SAMSN1: variants seen among roughly 807,000 people sequenced by gnomAD.
SAMSN1 encodes SAM domain, SH3 domain and nuclear localization signals 1.
A neutral mutation model predicts 42.0 loss-of-function variants in SAMSN1; 31 were observed. The observed-to-expected ratio is 0.74, with a 90% confidence interval of 0.55 to 1.00. The LOEUF (loss-of-function observed/expected upper bound fraction) is 1.00. SAMSN1 is among the 50% of genes least tolerant of loss of function. The pLI, the probability that SAMSN1 is intolerant of heterozygous loss-of-function variation, is 0.00. For missense variants in SAMSN1, 464 were observed against 439.4 expected (o/e 1.06, Z -0.50); for synonymous variants, 178 against 151.9 (o/e 1.17, Z -1.26).
At chr21:14,556,390 G>A (rs1300502644) in intron 2 of SAMSN1, among the ~76,000 whole-genome samples, 1 of 152,068 alleles carries the variant, frequency 6.6e-6, no homozygotes, top group Non-Finnish European at 1.5e-5. Flanking sequence ...AATAATTACG[G>A]TGGATGTTTT....
At chr21:14,508,896 G>A (rs565498134) in intron 5 of SAMSN1, among the ~76,000 whole-genome samples, 2 of 152,250 alleles carry the variant, frequency 1.3e-5, no homozygotes, top group Admixed American at 6.5e-5. Flanking sequence ...TTGGGAGGCT[G>A]AGGTGGGTGG....
intron 2 of SAMSN1, among the ~76,000 whole-genome samples, chr21:14,621,821 G>T (rs1198956871): frequency 1.3e-5 from 2 of 152,188 alleles, no homozygotes; most frequent in Non-Finnish European, 2.9e-5. Context: ...TGGACAGACT[G>T]CCCCCTCAAG....
intron 1 of SAMSN1, among the ~76,000 whole-genome samples, chr21:14,654,141 T>A (rs1230112006): frequency 2.0e-5 from 3 of 152,008 alleles, no homozygotes; most frequent in Non-Finnish European, 4.4e-5. Flanking sequence ...AGTCTAGTTA[T>A]GACATCATCT....
At chr21:14,614,737 C>T (rs1982792731) in intron 3 of SAMSN1, among the ~76,000 whole-genome samples, 1 of 152,032 alleles carries the variant, frequency 6.6e-6, no homozygotes, top group Non-Finnish European at 1.5e-5. Context: ...GAATTCCAAA[C>T]AAATAAAGCT....
At chr21:14,647,933 C>T (rs934153197) in intron 1 of SAMSN1, among the ~76,000 whole-genome samples, 2 of 151,670 alleles carry the variant, frequency 1.3e-5, no homozygotes, top group African/African-American at 4.9e-5. Flanking sequence ...CGTCTGCGAA[C>T]AGGGACAATT....
intron 7 of SAMSN1, among the ~76,000 whole-genome samples, chr21:14,588,580 T>A (rs1981993556): frequency 6.6e-6 from 1 of 152,214 alleles, no homozygotes; most frequent in Admixed American, 6.5e-5. Context: ...CTTTGCCCAC[T>A]AAGCACAGTC....
intron 2 of SAMSN1, among the ~76,000 whole-genome samples, chr21:14,520,153 G>A (rs540607709): frequency 1.1e-4 from 17 of 152,200 alleles, no homozygotes; most frequent in Non-Finnish European, 4.4e-5. Flanking sequence ...AAATTATTAC[G>A]TAAACTTTAT....
At chr21:14,581,483 C>G (rs543687870) in intron 2 of SAMSN1, among the ~76,000 whole-genome samples, 1 of 148,692 alleles carries the variant, frequency 6.7e-6, no homozygotes. Flanking sequence ...CTCAGCCTCC[C>G]GAGTAGCTGG....
rs537462932 is a variant in SAMSN1, at chr21:14,639,374, A to T, written c.156+3628T>A. Among the ~76,000 whole-genome samples the T allele has an allele frequency of 1.2e-4, 19 of 152,316 alleles. No individual in the cohort carries two copies. In the South Asian group the frequency reaches 3.9e-3, roughly 32 times the overall value. ...TTCTTCCTGTGTCACTCCATGGCAG[A>T]AAGCAAAAGGGCAAAAGAGGGCAAA... On this transcript the variant is annotated intron_variant, in intron 2 of 15. Coordinates refer to the SAMSN1 transcript ENST00000647101.
rs1238976902 is a variant in SAMSN1, at chr21:14,589,099, C to G, written c.465+4914G>C. ...TAGAAGTGCTTGGTTAAATATATCTCATTTTCAGACACTTTGCTTGAATAT... is the reference window on the plus strand; with the variant it reads ...TAGAAGTGCTTGGTTAAATATATCTGATTTTCAGACACTTTGCTTGAATAT... On this transcript the variant is annotated intron_variant, in intron 7 of 15. Transcript: ENST00000647101. Among the ~76,000 whole-genome samples the G allele has an allele frequency of 2.6e-5, 4 of 152,034 alleles. No homozygotes were observed. The East Asian group carries it at 7.7e-4, about 29-fold the overall frequency.
chr21:14,500,873 C>T, intron 5 of SAMSN1, 138 bp from the exon 6 acceptor site: 1 of 728,732 alleles, frequency 1.4e-6, no homozygotes. Context: ...TAAACATTCA[C>T]TTGCTTCAAA....
At chr21:14,535,290 C>T (rs968370310) in intron 1 of SAMSN1, among the ~76,000 whole-genome samples, 2 of 152,060 alleles carry the variant, frequency 1.3e-5, no homozygotes, top group African/African-American at 4.8e-5. Flanking sequence ...CAAATGATTC[C>T]TAATAGAGGT....
chr21:14,544,053 A>AT (rs577351132), intron 1 of SAMSN1, among the ~76,000 whole-genome samples: 4 of 151,792 alleles, frequency 2.6e-5, no homozygotes, highest in Non-Finnish European at 4.4e-5. Context: ...ACCTCTGCCA[A>AT]TTTTTTTTCT....
At chr21:14,630,237 C>T (rs185629866) in intron 2 of SAMSN1, among the ~76,000 whole-genome samples, 3 of 152,262 alleles carry the variant, frequency 2.0e-5, no homozygotes, top group South Asian at 2.1e-4. Flanking sequence ...ATGTATAAAA[C>T]GAAGGCTGAT....
At chr21:14,524,320 ATAT>A (rs1185127053) in intron 1 of SAMSN1, among the ~76,000 whole-genome samples, 2 of 152,164 alleles carry the variant, frequency 1.3e-5, no homozygotes, top group East Asian at 3.8e-4. Context: ...GACTTAGTAA[ATAT>A]TATCTTATGA....
intron 2 of SAMSN1, among the ~76,000 whole-genome samples, chr21:14,578,838 T>C (rs1350378447): frequency 6.6e-6 from 1 of 152,132 alleles, no homozygotes; most frequent in African/African-American, 2.4e-5. Flanking sequence ...TTGGCACGTA[T>C]ATTTTTAAAA....
intron 2 of SAMSN1, among the ~76,000 whole-genome samples, chr21:14,570,587 G>A (rs1190072888): frequency 6.6e-6 from 1 of 152,140 alleles, no homozygotes; most frequent in East Asian, 1.9e-4. Flanking sequence ...CTTTTCGGTT[G>A]GCATCACAAG....
chr21:14,490,447 T>C (rs2123645144), intron 7 of SAMSN1, among the ~76,000 whole-genome samples: 1 of 152,170 alleles, frequency 6.6e-6, no homozygotes, highest in South Asian at 2.1e-4. Flanking sequence ...CTCACTGGAG[T>C]CACTCAAATG....
chr21:14,509,560 A>G (rs375172379), intron 5 of SAMSN1, among the ~76,000 whole-genome samples: 1 of 152,182 alleles, frequency 6.6e-6, no homozygotes, highest in Non-Finnish European at 1.5e-5. Context: ...AAAATAAAAA[A>G]TACTGGAATT....
Sources: gnomAD v4.1 joint callset for allele counts (sites outside exome capture counted in the v4.1 genomes callset) on GRCh38, gnomAD v4.1.1 for gene constraint, MANE v1.5 for transcripts, NCBI Gene and HGNC (gene_info 2026-07-23, HGNC 2026-07-21) for gene names.